The following MMD2 variants were observed in gnomAD, a reference collection of about 807,000 sequenced individuals.
MMD2 encodes monocyte to macrophage differentiation associated 2, also known as monocyte to macrophage differentiation factor 2.
Under a neutral mutation model 33.5 loss-of-function variants are expected in MMD2, and 30 were observed. The observed-to-expected ratio is 0.90, with a 90% CI of 0.67 to 1.22. MMD2 has a LOEUF of 1.22. MMD2 is among the 50% of genes most tolerant of loss of function. The pLI is 0.00. For synonymous variants in MMD2, 129 were observed against 123.0 expected, an observed-to-expected ratio of 1.05 and a Z score of -0.32; for missense variants, 364 against 325.4, an observed-to-expected ratio of 1.12 and a Z score of -0.91.
At chr7:4,942,267 T>C (rs1562492302) in intron 1 of MMD2, among the ~76,000 whole-genome samples, 1 of 151,122 alleles carries the variant, frequency 6.6e-6, no homozygotes, top group Non-Finnish European at 1.5e-5. Context: ...TTTTTATTTT[T>C]ATTTTTTCTG....
intron 4 of MMD2, among the ~76,000 whole-genome samples, chr7:4,914,879 C>G (rs1179315296): frequency 6.6e-6 from 1 of 151,820 alleles, no homozygotes; most frequent in Non-Finnish European, 1.5e-5. Flanking sequence ...TGCAGTGAGC[C>G]GAGATCATGC....
the MMD2 span, among the ~76,000 whole-genome samples, chr7:4,895,694 A>G: frequency 6.6e-6 from 1 of 151,802 alleles, no homozygotes; most frequent in Admixed American, 6.6e-5. Context: ...GCACCACCAC[A>G]TCTGGCTAAT....
intron 2 of MMD2, among the ~76,000 whole-genome samples, chr7:4,921,883 A>G (rs1002747728): frequency 6.6e-6 from 1 of 152,124 alleles, no homozygotes; most frequent in Non-Finnish European, 1.5e-5. Context: ...CTGAACATCA[A>G]CAGGGAAGAT....
In MMD2 at chr7:4,958,996, C is replaced by A; in HGVS notation, c.22G>T (p.Asp8Tyr). 1.6e-6 allele frequency: 2 copies of A among 1,280,990 alleles called. No homozygotes were observed. Among genetic ancestry groups the A allele is most frequent in the Non-Finnish European group, 2.0e-6 (2 of 1,006,168 alleles). 79.4% of individuals were successfully genotyped at this position (1,280,990 alleles called of 1,614,324 possible). A position where few individuals can be genotyped will look rare whatever the true frequency, so the allele number is the denominator to read the frequency against. The change falls in exon 1 of 7, where the codon GAT (aspartate) becomes TAT (tyrosine). Residue 8 changes from aspartate (D) to tyrosine (Y), a missense_variant. Asp to Tyr is a radical substitution (Grantham distance 160, BLOSUM62 -3). Transcript: ENST00000401401. MFAPRLL[D>Y]FQKTKYARFM... ...CTCGCGTATTTCGTCTTCTGGAAATCCAGCAGCCGGGGGGCGAACATCGCG... is the reference window on the plus strand; with the variant it reads ...CTCGCGTATTTCGTCTTCTGGAAATACAGCAGCCGGGGGGCGAACATCGCG...
rs2880935 is a variant in MMD2 at position 4,946,115 on chromosome 7, A to G, written c.47+12856T>C. Among the ~76,000 whole-genome samples the G allele has an allele frequency of 0.13, 18,917 of 151,202 alleles. 1,433 individuals are homozygous for G. Among genetic ancestry groups the G allele is most frequent in the East Asian group, 0.33 (1,674 of 5,110 alleles). Reference sequence around the variant, plus strand: ...CACACACACGCATGCACACGCGCACACGCACGCACACACCTGCACACGCAC... The same window carrying G: ...CACACACACGCATGCACACGCGCACGCGCACGCACACACCTGCACACGCAC... On this transcript the variant is annotated intron_variant, in intron 1 of 6. Coordinates refer to ENST00000401401, the MANE Select transcript of MMD2 (RefSeq NM_198403.4). This position sits in a 1 kb window ranked among gnomAD's most constrained non-coding sequence, Gnocchi z 5.0.
At chr7:4,925,591 C>G in intron 1 of MMD2, 59 bp from the exon 2 acceptor site, 1 of 1,371,248 alleles carries the variant, frequency 7.3e-7, no homozygotes, top group Non-Finnish European at 9.9e-7. Flanking sequence ...CATCCGAATT[C>G]CCAGGAAGCC....
chr7:4,911,458 A>T (rs1334977970), intron 4 of MMD2, among the ~76,000 whole-genome samples: 1 of 152,224 alleles, frequency 6.6e-6, no homozygotes, highest in East Asian at 1.9e-4. Context: ...GAGGAAAATT[A>T]GCAAAATTGA....
chr7:4,917,786 C>T (rs545694691), intron 3 of MMD2, among the ~76,000 whole-genome samples: 22 of 152,026 alleles, frequency 1.4e-4, no homozygotes, highest in African/African-American at 4.6e-4. Flanking sequence ...GAGCGATAAC[C>T]CTCAATACAT....
intron 1 of MMD2, among the ~76,000 whole-genome samples, chr7:4,926,989 CTG>C (rs1364037750): frequency 6.6e-6 from 1 of 151,832 alleles, no homozygotes; most frequent in Non-Finnish European, 1.5e-5. Context: ...CGTGATCCGC[CTG>C]CCTCGGCCTC....
At chr7:4,898,027 C>T in the MMD2 span, among the ~76,000 whole-genome samples, 47 of 152,192 alleles carry the variant, frequency 3.1e-4, no homozygotes, top group Non-Finnish European at 6.2e-4. Context: ...TGTGAGCCAC[C>T]GCACCCGGCC....
At chr7:4,923,017 T>A (rs1178611935) in intron 2 of MMD2, among the ~76,000 whole-genome samples, 2 of 152,150 alleles carry the variant, frequency 1.3e-5, no homozygotes, top group African/African-American at 2.4e-5. Context: ...GTTTATAGCA[T>A]CAGTGGTCAG....
rs1406930436 is a variant in MMD2 at position 4,907,437 on chromosome 7, G to T, written c.700C>A (p.Leu234Ile). ...GTCTGCAGGGTGCTGGGCAGATAGA[G>T]GTACCTCCAGATGGCATAGTAGTGG... ...GTHYYAIWRY[L>I]YLPSTLQTKV... Residue 234 changes from leucine to isoleucine, a missense_variant, in exon 7 of 7, where the codon CTC (leucine) becomes ATC (isoleucine). By Grantham distance (5) the Leu-to-Ile change is conservative. Transcript: ENST00000401401. The T allele has an allele frequency of 6.2e-7, 1 of 1,613,850 alleles. No homozygotes were observed. The highest frequency in any genetic ancestry group is 8.5e-7 in the Non-Finnish European group (1 of 1,179,914).
intron 3 of MMD2, among the ~76,000 whole-genome samples, chr7:4,918,195 A>T (rs1305521490): frequency 6.6e-6 from 1 of 152,202 alleles, no homozygotes; most frequent in Non-Finnish European, 1.5e-5. Flanking sequence ...CTCTTATTTG[A>T]GACAGAGTAA....
At chr7:4,951,326 C>T (rs980988473) in intron 1 of MMD2, among the ~76,000 whole-genome samples, 1 of 152,022 alleles carries the variant, frequency 6.6e-6, no homozygotes, top group Non-Finnish European at 1.5e-5. Context: ...TGCCATAGAG[C>T]CCATGGAACA....
intron 3 of MMD2, among the ~76,000 whole-genome samples, chr7:4,919,224 G>A (rs996174153): frequency 5.9e-5 from 9 of 152,152 alleles, no homozygotes; most frequent in South Asian, 2.1e-4. Flanking sequence ...GAGCTGGCCC[G>A]TCGTGACCAC....
At chr7:4,925,375 A>T in intron 2 of MMD2, 76 bp downstream of exon 2, 1 of 1,204,410 alleles carries the variant, frequency 8.3e-7, no homozygotes, top group Non-Finnish European at 1.2e-6. Context: ...ACATACGTGA[A>T]GGAGGTGACT....
At chr7:4,949,617 T>G (rs1786184627) in intron 1 of MMD2, among the ~76,000 whole-genome samples, 1 of 151,966 alleles carries the variant, frequency 6.6e-6, no homozygotes, top group South Asian at 2.1e-4. Context: ...GTTCAAGCAA[T>G]TCTCCTGCCT....
rs767969944 is a variant in MMD2 at position 4,907,617 on chromosome 7, G to T, written c.538-18C>A. The T allele has an allele frequency of 6.2e-7, 1 of 1,611,668 alleles. No individual in the cohort carries two copies. Among genetic ancestry groups the T allele is most frequent in the African/African-American group, 1.3e-5 (1 of 74,980 alleles). On this transcript the variant is annotated intron_variant, in intron 6 of 6. Transcript: ENST00000401401. The stretch of plus-strand genomic sequence containing the variant: ...GTGTTGGGCTGTCGGCAAGGACAAG[G>T]GTGGGGCACAGGTCAGAGGGGCAGT...
chr7:4,896,533 C>G, the MMD2 span, among the ~76,000 whole-genome samples: 1 of 152,098 alleles, frequency 6.6e-6, no homozygotes, highest in African/African-American at 2.4e-5. Context: ...CCAGCTGGGT[C>G]CCTAGCCAGC....
Sources: allele counts gnomAD v4.1 joint callset (sites outside exome capture counted in the v4.1 genomes callset), GRCh38; gene constraint gnomAD v4.1.1; non-coding constraint Gnocchi (gnomAD v3.1); transcripts MANE v1.5; gene names NCBI Gene and HGNC (gene_info 2026-07-23, HGNC 2026-07-21).